Variants in FAM118B observed in about 807,000 individuals in gnomAD.
The protein encoded by FAM118B is SIR2 antiphage like 1.
In FAM118B, 24 loss-of-function variants were observed where a neutral mutation model predicts 38.5. The observed-to-expected ratio is 0.62, with a 90% CI of 0.45 to 0.88. The LOEUF (loss-of-function observed/expected upper bound fraction) is 0.88, where lower values mean the gene tolerates loss of function less well. Among genes scored for constraint, FAM118B ranks in the 40% least tolerant of loss-of-function variants. The probability of loss-of-function intolerance (pLI) is 0.00; values close to 1 mark genes in which losing one functional copy is unlikely to be tolerated. For missense variants in FAM118B, 334 were observed against 420.0 expected, an observed-to-expected ratio of 0.80 and a Z score of 1.79; for synonymous variants, 138 against 156.3, an observed-to-expected ratio of 0.88 and a Z score of 0.87.
intron 3 of FAM118B, among the ~76,000 whole-genome samples, chr11:126,236,492 T>A (rs576553129): frequency 6.6e-6 from 1 of 152,214 alleles, no homozygotes; most frequent in Non-Finnish European, 1.5e-5. Context: ...TTTGTTGTTG[T>A]TGTTGTTCAT....
At chr11:126,259,060 A>G (rs1315750739) in intron 7 of FAM118B, among the ~76,000 whole-genome samples, 1 of 152,202 alleles carries the variant, frequency 6.6e-6, no homozygotes, top group Non-Finnish European at 1.5e-5. Context: ...CAGTATGGCC[A>G]GAGTGCTTTA....
chr11:126,237,991 CTG>C (rs1167206610), intron 3 of FAM118B, among the ~76,000 whole-genome samples: 1 of 151,586 alleles, frequency 6.6e-6, no homozygotes, highest in Non-Finnish European at 1.5e-5. Context: ...TTTGGTATAA[CTG>C]TTATGTTGGG....
At chr11:126,259,425 CTTTTT>C (rs397945854) in intron 7 of FAM118B, among the ~76,000 whole-genome samples, 2 of 129,432 alleles carry the variant, frequency 1.5e-5, no homozygotes, top group African/African-American at 5.6e-5. Context: ...CGTTGTGGTA[CTTTTT>C]TTTTTTTTTT....
At chr11:126,262,094 T>C in intron 8 of FAM118B, 26 bp from the exon 9 acceptor site, 1 of 1,613,978 alleles carries the variant, frequency 6.2e-7, no homozygotes, top group Non-Finnish European at 8.5e-7. Flanking sequence ...AAACTTCATT[T>C]TGTTCTCTTT....
intron 5 of FAM118B, among the ~76,000 whole-genome samples, chr11:126,251,036 G>A (rs1003664513): frequency 2.0e-5 from 3 of 152,168 alleles, no homozygotes; most frequent in Non-Finnish European, 4.4e-5. Context: ...GTATTCAGTG[G>A]TGTAATATTG....
chr11:126,227,058 C>CTTTT lies in FAM118B; in HGVS notation c.-76-2148_-76-2145dup, dbSNP rs575065140. 5.4e-3 allele frequency among the ~76,000 whole-genome samples: 520 copies of CTTTT among 97,098 alleles called. 3 individuals carry two copies. Among genetic ancestry groups the CTTTT allele is most frequent in the Non-Finnish European group, 6.9e-3 (345 of 49,688 alleles). The allele number at this position is 97,098 out of a possible 152,430, so 63.7% of individuals were successfully genotyped here. The stretch of plus-strand genomic sequence containing the variant: ...GAATGCTCTCAAACAATACAAGCTT[C>CTTTT]TTTTTTTTTTTTTTTTTTTTTTGAG... On this transcript the variant is annotated intron_variant, in intron 1 of 8. Coordinates refer to ENST00000533050, the MANE Select transcript of FAM118B (RefSeq NM_024556.4).
chr11:126,254,606 G>A (rs913337791), intron 6 of FAM118B, among the ~76,000 whole-genome samples, 173 bp downstream of exon 6: 4 of 152,244 alleles, frequency 2.6e-5, no homozygotes, highest in Non-Finnish European at 4.4e-5. Flanking sequence ...GCCAAGGGGA[G>A]AGGATCACCT....
rs748012486 is a variant in FAM118B at position 126,241,096 on chromosome 11, A to G, written c.339+52A>G. On this transcript the variant is annotated intron_variant, in intron 4 of 8. Transcript: ENST00000533050. Reference sequence around the variant, plus strand: ...ATTTGGAATTTCCTAAAATTTAACTATCACAACTAGCATGATTTGGCTGTC... The same window carrying G: ...ATTTGGAATTTCCTAAAATTTAACTGTCACAACTAGCATGATTTGGCTGTC... 5.3e-6 allele frequency: 8 copies of G among 1,502,894 alleles called. No individual in the cohort carries two copies. In the East Asian group the frequency reaches 1.6e-4, roughly 30 times the overall value. The allele number at this position is 1,502,894 out of a possible 1,614,324, so 93.1% of individuals were successfully genotyped here.
Position 126,256,539 on chromosome 11 carries a change from G to A in FAM118B, c.697-28G>A, listed in dbSNP as rs1237723894. Reference sequence around the variant, plus strand: ...CTTGCCTTGAGTGTGTCTTCACAATGTCAATATGTTGTATCTTTTCCTTCC... The same window carrying A: ...CTTGCCTTGAGTGTGTCTTCACAATATCAATATGTTGTATCTTTTCCTTCC... On this transcript the variant is annotated intron_variant, in intron 6 of 8. Coordinates refer to ENST00000533050, the MANE Select transcript of FAM118B (RefSeq NM_024556.4). This position sits in a 1 kb window ranked among gnomAD's most constrained non-coding sequence, Gnocchi z 6.6. The A allele has an allele frequency of 2.5e-6, 4 of 1,606,846 alleles. No individual in the cohort carries two copies. The African/African-American group carries it at 4.0e-5, about 16-fold the overall frequency.
intron 4 of FAM118B, among the ~76,000 whole-genome samples, chr11:126,247,196 G>A (rs1950429165): frequency 2.6e-5 from 4 of 152,120 alleles, no homozygotes; most frequent in Non-Finnish European, 2.9e-5. Context: ...GGAGACTGAG[G>A]CAGGAAGATT....
At chr11:126,260,579 G>A (rs1357774037) in intron 7 of FAM118B, 1 of 152,008 alleles carries the variant, frequency 6.6e-6, no homozygotes, top group Non-Finnish European at 1.5e-5. Context: ...AAGTCATGTT[G>A]TGAAAATAAC....
At position 126,252,845 on chromosome 11, in the gene FAM118B, T is replaced by G. The variant is rs1288647535; in HGVS notation, c.568-1460T>G. On this transcript the variant is annotated intron_variant, in intron 5 of 8. Coordinates refer to ENST00000533050, the MANE Select transcript of FAM118B (RefSeq NM_024556.4). The surrounding 1 kb of genome is among the most constrained non-coding windows in gnomAD (Gnocchi z 4.7). ...AGGTCAGGATTTTGAGACCAGCCTG[T>G]CCAACATGGTGAAACCCCGTCTTTA... 1.3e-5 allele frequency among the ~76,000 whole-genome samples: 2 copies of G among 152,028 alleles called. No individual in the cohort carries two copies. Among genetic ancestry groups the G allele is most frequent in the African/African-American group, 4.8e-5 (2 of 41,398 alleles).
At chr11:126,261,203 G>T (rs1950690060) in intron 7 of FAM118B, 4 of 554,288 alleles carry the variant, frequency 7.2e-6, no homozygotes, top group Middle Eastern at 4.8e-4. Context: ...AGCAATCGTA[G>T]TGCACTGTGG....
At chr11:126,242,913 C>G (rs1273081775) in intron 4 of FAM118B, among the ~76,000 whole-genome samples, 1 of 152,192 alleles carries the variant, frequency 6.6e-6, no homozygotes, top group Non-Finnish European at 1.5e-5. Flanking sequence ...CAACTGTACA[C>G]TCATGTTCAT....
At chr11:126,235,867 T>C (rs527676448) in intron 3 of FAM118B, among the ~76,000 whole-genome samples, 6 of 129,382 alleles carry the variant, frequency 4.6e-5, no homozygotes, top group African/African-American at 2.7e-4. Flanking sequence ...GTATAAGTAG[T>C]ATTCATAGCT....
At chr11:126,228,644 T>G (rs897842097) in intron 1 of FAM118B, among the ~76,000 whole-genome samples, 1 of 152,184 alleles carries the variant, frequency 6.6e-6, no homozygotes, top group Admixed American at 6.5e-5. Flanking sequence ...CACTGCAACC[T>G]CTGCCTCCCA....
intron 7 of FAM118B, 94 bp from the exon 8 acceptor site, chr11:126,261,331 G>T: frequency 1.0e-6 from 1 of 956,798 alleles, no homozygotes; most frequent in Non-Finnish European, 1.6e-6. Context: ...CTTTTCAGTC[G>T]TACCATATGT....
At chr11:126,237,215 CTTTTTTTTTTTT>C (rs34631802) in intron 3 of FAM118B, among the ~76,000 whole-genome samples, 1 of 43,100 alleles carries the variant, frequency 2.3e-5, no homozygotes, top group South Asian at 1.7e-3. Flanking sequence ...CGCGCCTGGC[CTTTTTTTTTTTT>C]TTTTTTTTTT....
At position 126,255,688 on chromosome 11, in the gene FAM118B, T is replaced by C. The variant is rs961417521; in HGVS notation, c.697-879T>C. Among the ~76,000 whole-genome samples, 1 of 152,056 alleles carries C rather than the reference T, an allele frequency of 6.6e-6. No homozygotes were observed. The highest frequency in any genetic ancestry group is 2.4e-5 in the African/African-American group (1 of 41,446). On this transcript the variant is annotated intron_variant, in intron 6 of 8. Transcript: ENST00000533050. The surrounding 1 kb of genome is among the most constrained non-coding windows in gnomAD (Gnocchi z 4.6). ...CTCTGGGCACATAAATCTAAAAAAG[T>C]ACGCCTGTAATCCCAACACTTTGGG...
Sources: gnomAD v4.1 joint callset for allele counts (sites outside exome capture counted in the v4.1 genomes callset) on GRCh38, gnomAD v4.1.1 for gene constraint, Gnocchi (gnomAD v3.1) non-coding constraint, MANE v1.5 for transcripts, NCBI Gene and HGNC (gene_info 2026-07-23, HGNC 2026-07-21) for gene names.